The following KIAA1217 variants were observed in gnomAD, a reference collection of about 807,000 sequenced individuals.
KIAA1217 encodes the protein sickle tail protein homolog.
Under a neutral mutation model 163.9 loss-of-function variants are expected in KIAA1217, and 88 were observed. The observed-to-expected ratio is 0.54, with a 90% CI of 0.45 to 0.64. The LOEUF is 0.64. Among genes scored for constraint, KIAA1217 ranks in the 30% least tolerant of loss-of-function variants. The pLI, the probability that KIAA1217 is intolerant of heterozygous loss-of-function variation, is 0.00. For missense variants in KIAA1217, 2,372 were observed against 2,475.0 expected, an observed-to-expected ratio of 0.96 and a Z score of 0.88; for synonymous variants, 903 against 923.1, an observed-to-expected ratio of 0.98 and a Z score of 0.39.
chr10:24,495,637 A>T (rs2066692858), intron 8 of KIAA1217, among the ~76,000 whole-genome samples: 1 of 152,240 alleles, frequency 6.6e-6, no homozygotes, highest in Admixed American at 6.5e-5. Context: ...AAGAGGACTT[A>T]GGGGGAAGAA....
At chr10:23,832,611 C>A (rs1301703703) in intron 1 of KIAA1217, among the ~76,000 whole-genome samples, 1 of 152,076 alleles carries the variant, frequency 6.6e-6, no homozygotes, top group Non-Finnish European at 1.5e-5. Flanking sequence ...TATCAGTTGT[C>A]TTGTTATTAT....
chr10:24,533,099 A>G lies in KIAA1217; in HGVS notation c.3276A>G (p.Pro1092=). The change falls in exon 16 of 21, where the codon CCA becomes CCG. Residue 1092 remains proline (P), a synonymous_variant. Transcript: ENST00000376454. ...KASSEDAGPS[P]QTRATKYPAE... ...GCAGTGAAGATGCTGGACCAAGCCCACAGACCAGAGCTACAAAATATCCAG... is the reference window on the plus strand; with the variant it reads ...GCAGTGAAGATGCTGGACCAAGCCCGCAGACCAGAGCTACAAAATATCCAG... 2.5e-6 allele frequency: 4 copies of G among 1,613,364 alleles called. No homozygotes were observed. The highest frequency in any genetic ancestry group is 3.4e-6 in the Non-Finnish European group (4 of 1,179,638).
intron 5 of KIAA1217, chr10:24,466,628 CTT>C: frequency 1.0e-6 from 1 of 985,302 alleles, no homozygotes; most frequent in Non-Finnish European, 1.2e-6. Context: ...ATCTTTGTGT[CTT>C]TTGTGATGAT....
At chr10:24,345,914 T>C (rs570702662) in intron 2 of KIAA1217, among the ~76,000 whole-genome samples, 1 of 152,316 alleles carries the variant, frequency 6.6e-6, no homozygotes, top group South Asian at 2.1e-4. Context: ...TCTTCAGAAC[T>C]TTTTCATCTT....
chr10:24,087,809 A>T (rs1006435900), intron 2 of KIAA1217, among the ~76,000 whole-genome samples: 29 of 152,208 alleles, frequency 1.9e-4, no homozygotes, highest in Non-Finnish European at 3.7e-4. Context: ...TTCCACACTT[A>T]TGCATTCTAA....
chr10:24,122,281 G>A (rs1186528448), intron 2 of KIAA1217, among the ~76,000 whole-genome samples: 1 of 152,058 alleles, frequency 6.6e-6, no homozygotes, highest in African/African-American at 2.4e-5. Flanking sequence ...ATTCACTTAG[G>A]ATAATGGCCT....
chr10:24,002,613 A>T (rs988711855), intron 1 of KIAA1217, among the ~76,000 whole-genome samples: 1 of 152,190 alleles, frequency 6.6e-6, no homozygotes, highest in Non-Finnish European at 1.5e-5. Context: ...GGACAAAATT[A>T]ACCCAAACCC....
At chr10:24,409,501 G>A (rs2057545546) in intron 3 of KIAA1217, among the ~76,000 whole-genome samples, 3 of 152,184 alleles carry the variant, frequency 2.0e-5, no homozygotes, top group Admixed American at 2.0e-4. Flanking sequence ...GGGTGATGCA[G>A]ATAGTCATTA....
At chr10:24,314,204 C>T (rs1477723427) in intron 2 of KIAA1217, among the ~76,000 whole-genome samples, 1 of 152,158 alleles carries the variant, frequency 6.6e-6, no homozygotes, top group African/African-American at 2.4e-5. Context: ...GCCTTAACTC[C>T]TGTCCAATGC....
chr10:24,532,067 G>A lies in KIAA1217; in HGVS notation c.3246+74G>A, dbSNP rs962546951. 26 of 1,322,346 alleles carry A rather than the reference G, an allele frequency of 2.0e-5. No individual in the cohort carries two copies. The African/African-American group carries it at 3.3e-4, about 17-fold the overall frequency. The allele number at this position is 1,322,346 out of a possible 1,614,324, so 81.9% of individuals were successfully genotyped here. On this transcript the variant is annotated intron_variant, in intron 15 of 20. Coordinates refer to ENST00000376454, the MANE Select transcript of KIAA1217 (RefSeq NM_019590.5). ...CCCTTAGACAAGGTTCTCTCTGTTG[G>A]AACATAAAAAGTAGTGAGGCAGAGA...
At chr10:24,131,971 T>C (rs2063667926) in intron 2 of KIAA1217, among the ~76,000 whole-genome samples, 1 of 152,214 alleles carries the variant, frequency 6.6e-6, no homozygotes, top group African/African-American at 2.4e-5. Context: ...GTGTGGTTAT[T>C]ACACACAGCA....
chr10:24,302,532 A>G (rs1035564457), intron 2 of KIAA1217, among the ~76,000 whole-genome samples: 3 of 152,072 alleles, frequency 2.0e-5, no homozygotes, highest in Non-Finnish European at 4.4e-5. Context: ...TTATTTATTC[A>G]GTGTATATTT....
chr10:24,470,649 T>C (rs2063409608), intron 5 of KIAA1217, among the ~76,000 whole-genome samples: 1 of 151,896 alleles, frequency 6.6e-6, no homozygotes, highest in Non-Finnish European at 1.5e-5. Flanking sequence ...GGAGATAAAA[T>C]TGTAATTGTG....
At position 24,106,859 on chromosome 10, in the gene KIAA1217, G is replaced by T. The variant is rs187437294; in HGVS notation, c.-171+99485G>T. ...TTCTTTTTTGTTGTTGTGTTGTTTG[G>T]TTGGTTGGTTGGTTGGTTTTGTTTT... On this transcript the variant is annotated intron_variant, in intron 2 of 18. Transcript: ENST00000376462. 5.2e-3 allele frequency among the ~76,000 whole-genome samples: 793 copies of T among 152,238 alleles called. 3 individuals carry two copies. Among genetic ancestry groups the T allele is most frequent in the East Asian group, 0.029 (150 of 5,174 alleles).
At chr10:23,763,337 G>T (rs1217330298) in intron 1 of KIAA1217, among the ~76,000 whole-genome samples, 2 of 152,138 alleles carry the variant, frequency 1.3e-5, no homozygotes, top group African/African-American at 2.4e-5. Flanking sequence ...AAAGCTAGAG[G>T]CATCACACTA....
chr10:24,102,064 A>G (rs755721970), intron 2 of KIAA1217, among the ~76,000 whole-genome samples: 5 of 152,206 alleles, frequency 3.3e-5, no homozygotes, highest in African/African-American at 4.8e-5. Context: ...CAATTTTAAA[A>G]AATCCAAAGG....
intron 3 of KIAA1217, among the ~76,000 whole-genome samples, chr10:24,404,094 A>G (rs1385793422): frequency 6.6e-6 from 1 of 152,102 alleles, no homozygotes; most frequent in Non-Finnish European, 1.5e-5. Flanking sequence ...ACTAGCTGGG[A>G]CTAAAGGAGC....
intron 1 of KIAA1217, among the ~76,000 whole-genome samples, chr10:23,938,691 C>CTA (rs1342651105): frequency 6.6e-6 from 1 of 151,890 alleles, no homozygotes. Context: ...GGATGTGCCT[C>CTA]GGTTATGTGC....
intron 5 of KIAA1217, among the ~76,000 whole-genome samples, chr10:24,450,177 A>G (rs936567672): frequency 1.3e-5 from 2 of 152,248 alleles, no homozygotes; most frequent in East Asian, 3.8e-4. Flanking sequence ...ATTTGAAGGC[A>G]TGGTACAAGC....
Sources: allele counts gnomAD v4.1 joint callset (sites outside exome capture counted in the v4.1 genomes callset), GRCh38; gene constraint gnomAD v4.1.1; transcripts MANE v1.5; gene names NCBI Gene and HGNC (gene_info 2026-07-23, HGNC 2026-07-21).